Variants in NOS1AP observed in about 807,000 individuals in gnomAD.
NOS1AP encodes carboxyl-terminal PDZ ligand of neuronal nitric oxide synthase protein.
A neutral mutation model predicts 56.2 loss-of-function variants in NOS1AP; 21 were observed. That is an observed-to-expected ratio of 0.37 (90% CI 0.26 to 0.54). The LOEUF is 0.54. Among genes scored for constraint, NOS1AP ranks in the 20% least tolerant of loss-of-function variants. The pLI, the probability that NOS1AP is intolerant of heterozygous loss-of-function variation, is 0.84. For missense variants in NOS1AP, 522 were observed against 657.8 expected, an observed-to-expected ratio of 0.79 and a Z score of 2.26; for synonymous variants, 270 against 274.6, an observed-to-expected ratio of 0.98 and a Z score of 0.17.
chr1:162,222,760 A>AT (rs1002261653), intron 2 of NOS1AP, among the ~76,000 whole-genome samples: 4 of 152,170 alleles, frequency 2.6e-5, no homozygotes, highest in Admixed American at 6.5e-5. Flanking sequence ...TGATGAGAGC[A>AT]TTTTTTGCAT....
intron 1 of NOS1AP, among the ~76,000 whole-genome samples, chr1:162,127,527 T>TAAA (rs76852734): frequency 8.8e-6 from 1 of 113,546 alleles, no homozygotes; most frequent in African/African-American, 3.1e-5. Context: ...GGGTACTTTA[T>TAAA]AAAAAAAAAA....
At chr1:162,263,179 T>C (rs1347835393) in intron 2 of NOS1AP, among the ~76,000 whole-genome samples, 1 of 152,224 alleles carries the variant, frequency 6.6e-6, no homozygotes, top group African/African-American at 2.4e-5. Flanking sequence ...AAATTTCAGT[T>C]TGTGTTAGTT....
At chr1:162,291,321 G>A (rs999713301) in intron 3 of NOS1AP, among the ~76,000 whole-genome samples, 1 of 152,230 alleles carries the variant, frequency 6.6e-6, no homozygotes, top group African/African-American at 2.4e-5. Flanking sequence ...TATGTTTTCA[G>A]TAATCGTGGC....
Position 162,321,468 on chromosome 1 carries a change from G to A in NOS1AP, c.345-11549G>A, listed in dbSNP as rs562412893. Among the ~76,000 whole-genome samples the A allele has an allele frequency of 2.8e-3, 427 of 152,092 alleles. 5 individuals are homozygous for A. The highest frequency in any genetic ancestry group is 9.4e-3 in the African/African-American group (391 of 41,478). On this transcript the variant is annotated intron_variant, in intron 4 of 9. Coordinates refer to ENST00000361897, the MANE Select transcript of NOS1AP (RefSeq NM_014697.3). ...ATCATTCTGAGCAAACTATCGCAAG[G>A]ACAGAAAACCAAACACCACATGTTC...
At chr1:162,117,025 T>C (rs1485801699) in intron 1 of NOS1AP, among the ~76,000 whole-genome samples, 3 of 152,194 alleles carry the variant, frequency 2.0e-5, no homozygotes, top group African/African-American at 7.2e-5. Flanking sequence ...ATTTCTTAAA[T>C]TTCTTGAGCT....
chr1:162,298,705 A>G (rs1406459530), intron 3 of NOS1AP, among the ~76,000 whole-genome samples: 1 of 152,226 alleles, frequency 6.6e-6, no homozygotes, highest in East Asian at 1.9e-4. Flanking sequence ...AAAAAAAGAC[A>G]ATCAACTGGT....
At chr1:162,149,133 G>A (rs1054116075) in intron 1 of NOS1AP, among the ~76,000 whole-genome samples, 4 of 152,348 alleles carry the variant, frequency 2.6e-5, no homozygotes, top group Middle Eastern at 3.4e-3. Context: ...CCCTAGGAAC[G>A]TGTGGGAGCC....
intron 2 of NOS1AP, among the ~76,000 whole-genome samples, chr1:162,161,897 A>G (rs970698779): frequency 1.4e-4 from 21 of 152,354 alleles, no homozygotes; most frequent in Non-Finnish European, 8.8e-5. Context: ...AATGTTAGCT[A>G]TTATTATTAA....
chr1:162,353,041 G>GCCC (rs1362153574), intron 6 of NOS1AP, among the ~76,000 whole-genome samples: 1 of 100,332 alleles, frequency 1.0e-5, no homozygotes, highest in Non-Finnish European at 2.1e-5. Flanking sequence ...CCCCACCCCC[G>GCCC]CCCCCACCAC....
At chr1:162,257,648 C>CAA (rs548538740) in intron 2 of NOS1AP, among the ~76,000 whole-genome samples, 11 of 128,700 alleles carry the variant, frequency 8.5e-5, no homozygotes, top group African/African-American at 2.5e-4. Context: ...GACTCCATCT[C>CAA]AAAAAAAAAA....
At chr1:162,130,788 G>A (rs1022652716) in intron 1 of NOS1AP, among the ~76,000 whole-genome samples, 22 of 152,172 alleles carry the variant, frequency 1.4e-4, no homozygotes, top group African/African-American at 5.3e-4. Flanking sequence ...CATTTGGTGG[G>A]TGAATGGATT....
At chr1:162,323,993 T>C (rs184718433) in intron 4 of NOS1AP, among the ~76,000 whole-genome samples, 10 of 152,334 alleles carry the variant, frequency 6.6e-5, no homozygotes, top group African/African-American at 2.4e-4. Flanking sequence ...ATTTGCTGGC[T>C]TGAAAGCAAG....
At chr1:162,240,866 C>T (rs932352228) in intron 2 of NOS1AP, among the ~76,000 whole-genome samples, 2 of 152,134 alleles carry the variant, frequency 1.3e-5, no homozygotes, top group Admixed American at 1.3e-4. Context: ...AGTCTGATGG[C>T]GGGATACAGA....
intron 1 of NOS1AP, among the ~76,000 whole-genome samples, chr1:162,081,774 A>ATATATATATATTTT: frequency 9.1e-5 from 4 of 44,054 alleles, no homozygotes; most frequent in Admixed American, 3.2e-4. Flanking sequence ...ATATATATAT[A>ATATATATATATTTT]TTTTTTTTTT....
In NOS1AP at chr1:162,365,445, G is replaced by A. The variant is rs755638443; in HGVS notation, c.981G>A (p.Ala327=). 20 of 1,613,918 alleles carry A rather than the reference G, an allele frequency of 1.2e-5. No individual in the cohort carries two copies. In the African/African-American group the frequency reaches 1.3e-4, roughly 11 times the overall value. ...LKDQLAAEAA[A]RLEAQARVHQ... is the part of the protein sequence containing the mutation. Reference sequence around the variant, plus strand: ...ACCAGTTGGCTGCTGAGGCTGCGGCGCGGCTGGAGGCCCAGGCTCGCGTGC... The same window carrying A: ...ACCAGTTGGCTGCTGAGGCTGCGGCACGGCTGGAGGCCCAGGCTCGCGTGC... The change falls in exon 9 of 10, where the codon GCG becomes GCA. Residue 327 remains alanine, a synonymous_variant. Coordinates refer to ENST00000361897, the MANE Select transcript of NOS1AP (RefSeq NM_014697.3).
intron 8 of NOS1AP, chr1:162,363,628 C>G (rs191352240): frequency 3.9e-6 from 1 of 258,652 alleles, no homozygotes; most frequent in Non-Finnish European, 6.0e-6. Context: ...GCCCCCATCC[C>G]GAAGCTTCCA....
intron 1 of NOS1AP, among the ~76,000 whole-genome samples, chr1:162,128,272 AT>A (rs1468573097): frequency 2.6e-5 from 4 of 151,950 alleles, no homozygotes; most frequent in Admixed American, 2.0e-4. Context: ...AATAAGTTAA[AT>A]TTTTTTCTCC....
intron 2 of NOS1AP, among the ~76,000 whole-genome samples, chr1:162,202,080 G>A (rs1234206115): frequency 2.6e-5 from 4 of 152,110 alleles, no homozygotes; most frequent in African/African-American, 4.8e-5. Flanking sequence ...TATCTGAAAG[G>A]TTGTCCTGGG....
At chr1:162,244,853 G>A (rs951733206) in intron 2 of NOS1AP, among the ~76,000 whole-genome samples, 1 of 152,188 alleles carries the variant, frequency 6.6e-6, no homozygotes, top group African/African-American at 2.4e-5. Flanking sequence ...TTCAAAGTTA[G>A]TGCATCTTTA....
Sources: allele counts gnomAD v4.1 joint callset (sites outside exome capture counted in the v4.1 genomes callset), GRCh38; gene constraint gnomAD v4.1.1; transcripts MANE v1.5; gene names NCBI Gene and HGNC (gene_info 2026-07-23, HGNC 2026-07-21).